The following NRXN1 variants were observed in gnomAD, a reference collection of about 807,000 sequenced individuals.
NRXN1 encodes the protein neurexin 1.
In NRXN1, 39 loss-of-function variants were observed where a neutral mutation model predicts 150.9. The observed-to-expected ratio is 0.26, with a 90% confidence interval of 0.20 to 0.34. The LOEUF is 0.34. Among genes scored for constraint, NRXN1 ranks in the 10% least tolerant of loss-of-function variants. The pLI is 1.00. For missense variants in NRXN1, 1,815 were observed against 1,949.9 expected (o/e 0.93, Z 1.30); for synonymous variants, 924 against 757.0 (o/e 1.22, Z -3.62).
intron 12 of NRXN1, among the ~76,000 whole-genome samples, chr2:50,526,947 G>A (rs956047871): frequency 6.6e-6 from 1 of 152,064 alleles, no homozygotes; most frequent in African/African-American, 2.4e-5. Context: ...AAGCCAAATG[G>A]CAAACGAGTC....
At chr2:50,038,149 G>A (rs1006043250) in intron 21 of NRXN1, among the ~76,000 whole-genome samples, 1 of 152,190 alleles carries the variant, frequency 6.6e-6, no homozygotes, top group Non-Finnish European at 1.5e-5. Context: ...AAGGAGATTA[G>A]CAGAAAATAT....
At chr2:50,635,877 G>A (rs1383332890) in intron 5 of NRXN1, among the ~76,000 whole-genome samples, 1 of 152,084 alleles carries the variant, frequency 6.6e-6, no homozygotes, top group Admixed American at 6.6e-5. Flanking sequence ...TTACAATGAA[G>A]GCTACTTAAA....
chr2:50,173,725 T>C (rs2060168714), intron 18 of NRXN1, among the ~76,000 whole-genome samples: 1 of 152,222 alleles, frequency 6.6e-6, no homozygotes, highest in African/African-American at 2.4e-5. Flanking sequence ...AGCATTAATG[T>C]TTTAATTTTC....
intron 15 of NRXN1, among the ~76,000 whole-genome samples, chr2:50,479,762 T>TTTTTC (rs1425416072): frequency 8.5e-6 from 1 of 117,278 alleles, no homozygotes; most frequent in African/African-American, 3.2e-5. Flanking sequence ...AATCCATTTC[T>TTTTTC]TTTTCTTTTT....
intron 16 of NRXN1, among the ~76,000 whole-genome samples, chr2:50,467,636 T>TTTACAATA (rs2089035727): frequency 6.6e-6 from 1 of 151,380 alleles, no homozygotes; most frequent in Non-Finnish European, 1.5e-5. Context: ...AACCATGATA[T>TTTACAATA]TGTAAATCTT....
chr2:50,406,625 A>T (rs1329556244), intron 17 of NRXN1, among the ~76,000 whole-genome samples: 1 of 152,202 alleles, frequency 6.6e-6, no homozygotes, highest in Non-Finnish European at 1.5e-5. Context: ...AGTTATATTC[A>T]TTATAAATTA....
chr2:51,000,697 T>A (rs1699924136), intron 2 of NRXN1, among the ~76,000 whole-genome samples: 1 of 151,968 alleles, frequency 6.6e-6, no homozygotes, highest in Admixed American at 6.6e-5. Context: ...TTTTTTTTAA[T>A]TTCTCAATTT....
In NRXN1 at chr2:50,553,251, C is replaced by T. The variant is rs941874021; in HGVS notation, c.1321-226G>A. On this transcript the variant is annotated intron_variant, in intron 8 of 22. Transcript: ENST00000401669. ...TTCAAATAATGTGTGTGCAGATGCA[C>T]CCGCGCATGTGCATATACACACAAA... Among the ~76,000 whole-genome samples, 6 of 152,282 alleles carry T rather than the reference C, an allele frequency of 3.9e-5. No homozygotes were observed. In the East Asian group the frequency reaches 1.2e-3, roughly 29 times the overall value.
At chr2:50,562,481 T>G (rs1220666273) in intron 8 of NRXN1, among the ~76,000 whole-genome samples, 3 of 152,090 alleles carry the variant, frequency 2.0e-5, no homozygotes, top group Admixed American at 6.6e-5. Context: ...TGCTCATCAA[T>G]TTTAAGCTTT....
At chr2:50,710,323 C>T (rs1159401525) in intron 5 of NRXN1, among the ~76,000 whole-genome samples, 1 of 152,138 alleles carries the variant, frequency 6.6e-6, no homozygotes, top group Non-Finnish European at 1.5e-5. Flanking sequence ...TCAGGTAATG[C>T]ATTAACTCCA....
chr2:50,002,373 C>A (rs916963362), intron 21 of NRXN1, among the ~76,000 whole-genome samples: 42 of 152,120 alleles, frequency 2.8e-4, no homozygotes, highest in African/African-American at 1.0e-3. Flanking sequence ...CCAGTCATTG[C>A]TGAGTCTATC....
At chr2:50,544,529 T>C (rs1040470024) in intron 9 of NRXN1, among the ~76,000 whole-genome samples, 2 of 152,110 alleles carry the variant, frequency 1.3e-5, no homozygotes, top group African/African-American at 4.8e-5. Context: ...ATCTGTGAGC[T>C]GGGAACTTCA....
intron 5 of NRXN1, among the ~76,000 whole-genome samples, chr2:50,824,910 C>T (rs777821431): frequency 6.6e-5 from 10 of 152,192 alleles, no homozygotes; most frequent in African/African-American, 9.6e-5. Context: ...AGATTAGGTG[C>T]AGGCATCCAC....
intron 5 of NRXN1, among the ~76,000 whole-genome samples, chr2:50,762,200 C>T (rs1251906147): frequency 6.6e-6 from 1 of 151,626 alleles, no homozygotes; most frequent in East Asian, 2.0e-4. Flanking sequence ...ATACAACAGG[C>T]ATGATCATAG....
intron 5 of NRXN1, among the ~76,000 whole-genome samples, chr2:50,838,918 G>C (rs529088400): frequency 1.3e-5 from 2 of 152,138 alleles, no homozygotes; most frequent in East Asian, 3.9e-4. Flanking sequence ...ACATTCCAGA[G>C]CTTACAGTCC....
Position 50,922,161 on chromosome 2 carries a change from C to T in NRXN1, c.821-281G>A, listed in dbSNP as rs368346194. Reference sequence around the variant, plus strand: ...AAAAGAGAGACATACAATAAATCTACGTAGAGAAAGTATTGATTCTGTGGA... The same window carrying T: ...AAAAGAGAGACATACAATAAATCTATGTAGAGAAAGTATTGATTCTGTGGA... On this transcript the variant is annotated intron_variant, in intron 4 of 22. Coordinates refer to ENST00000401669, the MANE Select transcript of NRXN1 (RefSeq NM_001330078.2). Among the ~76,000 whole-genome samples, 102 of 151,928 alleles carry T rather than the reference C, an allele frequency of 6.7e-4. No individual in the cohort carries two copies. The Middle Eastern group carries it at 0.017, about 25-fold the overall frequency.
chr2:49,940,571 CAAAAACAAACAG>C (rs1671808939), intron 22 of NRXN1, among the ~76,000 whole-genome samples: 1 of 152,026 alleles, frequency 6.6e-6, no homozygotes, highest in Non-Finnish European at 1.5e-5. Flanking sequence ...GGATTCAAAA[CAAAAACAAACAG>C]AAAAACACAA....
chr2:50,444,763 A>T (rs1006250053), intron 17 of NRXN1, among the ~76,000 whole-genome samples: 1 of 152,190 alleles, frequency 6.6e-6, no homozygotes, highest in Non-Finnish European at 1.5e-5. Flanking sequence ...AAGATCAATA[A>T]CAGTGGTATC....
rs2091704153 is a variant in NRXN1, at chr2:50,497,509, G to A, written c.2703C>T (p.Asn901=). 4 of 1,613,794 alleles carry A rather than the reference G, an allele frequency of 2.5e-6. No individual in the cohort carries two copies. In the Admixed American group the frequency reaches 5.0e-5, roughly 20 times the overall value. Residue 901 remains asparagine (N), a synonymous_variant, in exon 14 of 23, where the codon AAC becomes AAT. Coordinates refer to ENST00000401669, the MANE Select transcript of NRXN1 (RefSeq NM_001330078.2). ...CELNARFGFR[N]IIADPVTFKT... ...TGAAGGTGACAGGATCTGCTATGATGTTCCTGAAGCCAAATCTGGCATTAA... is the reference window on the plus strand; with the variant it reads ...TGAAGGTGACAGGATCTGCTATGATATTCCTGAAGCCAAATCTGGCATTAA...
Sources: allele counts gnomAD v4.1 joint callset (sites outside exome capture counted in the v4.1 genomes callset), GRCh38; gene constraint gnomAD v4.1.1; transcripts MANE v1.5; gene names NCBI Gene and HGNC (gene_info 2026-07-23, HGNC 2026-07-21).